Variants in SLC24A2 observed in about 807,000 individuals in gnomAD.
The protein encoded by SLC24A2 is solute carrier family 24 member 2.
In SLC24A2, 36 loss-of-function variants were observed where a neutral mutation model predicts 62.0. That is an observed-to-expected ratio of 0.58 (90% confidence interval 0.44 to 0.77). The LOEUF is 0.77. Among genes scored for constraint, SLC24A2 ranks in the 30% least tolerant of loss-of-function variants. The pLI, the probability that SLC24A2 is intolerant of heterozygous loss-of-function variation, is 0.00. For synonymous variants in SLC24A2, 358 were observed against 294.0 expected (o/e 1.22, Z -2.23); for missense variants, 846 against 817.9 (o/e 1.03, Z -0.42).
the SLC24A2 span, among the ~76,000 whole-genome samples, chr9:20,102,501 G>T: frequency 5.9e-5 from 9 of 151,622 alleles, no homozygotes; most frequent in African/African-American, 1.5e-4. Context: ...AGGGGGTGGG[G>T]GGGGAAGGGG....
At chr9:19,662,421 C>T (rs975246921) in intron 2 of SLC24A2, among the ~76,000 whole-genome samples, 23 of 152,256 alleles carry the variant, frequency 1.5e-4, no homozygotes, top group African/African-American at 5.5e-4. Flanking sequence ...CAGGGTAGTT[C>T]CTGGCACACA....
At position 19,513,380 on chromosome 9, in the gene SLC24A2, C is replaced by G. The variant is rs1589111759; in HGVS notation, c.*2773G>C. On this transcript the variant is annotated 3_prime_UTR_variant, in exon 11 of 11. Transcript: ENST00000341998. The stretch of plus-strand genomic sequence containing the variant: ...CTCAACACATAACCACTTACAGACA[C>G]AGAAATGAAGGGAAAGCAAGGGCAG... 6.6e-6 allele frequency: 1 copy of G among 152,030 alleles called. No individual in the cohort carries two copies. The highest frequency in any genetic ancestry group is 1.5e-5 in the Non-Finnish European group (1 of 68,114). The allele number at this position is 152,030 out of a possible 1,614,324, so 9.4% of individuals were successfully genotyped here. A position where few individuals can be genotyped will look rare whatever the true frequency, so the allele number is the denominator to read the frequency against.
In SLC24A2 at chr9:19,634,892, T is replaced by A. The variant is rs182105814; in HGVS notation, c.931-12593A>T. ...TCTTATAAAGCATAAAATAAAAAAA[T>A]AGAGATGAAATTGAGATCTACCATT... On this transcript the variant is annotated intron_variant, in intron 2 of 10. Transcript: ENST00000341998. Among the ~76,000 whole-genome samples, 121 of 152,216 alleles carry A rather than the reference T, an allele frequency of 7.9e-4. 2 individuals are homozygous for A. The highest frequency in any genetic ancestry group is 3.4e-3 in the Middle Eastern group (1 of 292).
chr9:19,957,520 G>C, the SLC24A2 span: 2 of 152,240 alleles, frequency 1.3e-5, no homozygotes, highest in Admixed American at 1.3e-4. Flanking sequence ...CCTGAGCATA[G>C]GTCAGTTCCA....
At chr9:20,146,229 G>A in the SLC24A2 span, among the ~76,000 whole-genome samples, 1 of 152,070 alleles carries the variant, frequency 6.6e-6, no homozygotes, top group African/African-American at 2.4e-5. Context: ...AGGTGGAGGG[G>A]CAAGGGATCA....
intron 8 of SLC24A2, among the ~76,000 whole-genome samples, chr9:19,532,461 G>C (rs1311507569): frequency 6.6e-6 from 1 of 152,160 alleles, no homozygotes; most frequent in Non-Finnish European, 1.5e-5. Flanking sequence ...TATGTAAACA[G>C]TTGTTAAATT....
chr9:20,194,005 A>AGT, the SLC24A2 span, among the ~76,000 whole-genome samples: 2 of 152,142 alleles, frequency 1.3e-5, no homozygotes, highest in Non-Finnish European at 2.9e-5. Flanking sequence ...AATAGGACAG[A>AGT]GTGTGTGTAA....
the SLC24A2 span, among the ~76,000 whole-genome samples, chr9:20,059,983 C>T: frequency 6.6e-6 from 1 of 151,868 alleles, no homozygotes; most frequent in African/African-American, 2.4e-5. Flanking sequence ...TGATTACTGA[C>T]CTTACAGAAA....
At chr9:20,001,925 T>C in the SLC24A2 span, among the ~76,000 whole-genome samples, 25 of 152,192 alleles carry the variant, frequency 1.6e-4, no homozygotes, top group African/African-American at 2.7e-4. Flanking sequence ...ATGGAAAATA[T>C]GTAAGTCCAC....
chr9:20,047,278 G>A, the SLC24A2 span, among the ~76,000 whole-genome samples: 2 of 152,014 alleles, frequency 1.3e-5, no homozygotes, highest in East Asian at 3.9e-4. Flanking sequence ...CAGACTGTTT[G>A]CTCAATCTTT....
At chr9:19,696,479 G>A (rs1436057371) in intron 2 of SLC24A2, among the ~76,000 whole-genome samples, 1 of 152,136 alleles carries the variant, frequency 6.6e-6, no homozygotes, top group East Asian at 1.9e-4. Context: ...GGCTGTGTTT[G>A]GTATCCCTGA....
chr9:19,796,813 G>A, the SLC24A2 span, among the ~76,000 whole-genome samples: 1 of 152,180 alleles, frequency 6.6e-6, no homozygotes, highest in East Asian at 1.9e-4. Context: ...TACTTGCAGT[G>A]TTCTATATCT....
At chr9:20,162,221 T>C in the SLC24A2 span, among the ~76,000 whole-genome samples, 1 of 151,598 alleles carries the variant, frequency 6.6e-6, no homozygotes, top group South Asian at 2.1e-4. Flanking sequence ...TTATGCAACA[T>C]AGCAAGACAC....
rs76373651 is a variant in SLC24A2, at chr9:19,725,100, G to C, written c.930+60837C>G. ...CCAGTGGGGTAATTTTGTACCCCTA[G>C]AGGCATTTTTCAATGTCTTGGGACA... is the stretch of plus-strand genomic sequence containing the variant. On this transcript the variant is annotated intron_variant, in intron 2 of 10. Coordinates refer to ENST00000341998, the MANE Select transcript of SLC24A2 (RefSeq NM_020344.4). Among the ~76,000 whole-genome samples the C allele has an allele frequency of 1.8e-4, 28 of 152,230 alleles. No homozygotes were observed. In the East Asian group the frequency reaches 4.8e-3, roughly 26 times the overall value.
chr9:19,721,815 T>C (rs1821033179), intron 2 of SLC24A2, among the ~76,000 whole-genome samples: 1 of 152,168 alleles, frequency 6.6e-6, no homozygotes, highest in Admixed American at 6.5e-5. Context: ...CTTTATTTCC[T>C]TTGTGAGCCT....
chr9:19,593,980 G>C (rs1836631630), intron 5 of SLC24A2, among the ~76,000 whole-genome samples: 1 of 151,950 alleles, frequency 6.6e-6, no homozygotes, highest in Non-Finnish European at 1.5e-5. Flanking sequence ...AGCAGTGGGA[G>C]ACACCCAGTG....
At chr9:19,682,345 G>T (rs1819747279) in intron 2 of SLC24A2, among the ~76,000 whole-genome samples, 1 of 152,034 alleles carries the variant, frequency 6.6e-6, no homozygotes, top group Non-Finnish European at 1.5e-5. Context: ...ATACAACCTG[G>T]GCCCTTCTGT....
At chr9:19,542,757 G>C (rs1311194235) in intron 8 of SLC24A2, among the ~76,000 whole-genome samples, 1 of 152,152 alleles carries the variant, frequency 6.6e-6, no homozygotes, top group Non-Finnish European at 1.5e-5. Flanking sequence ...TGCATATGTT[G>C]AACCAGCCTT....
the SLC24A2 span, among the ~76,000 whole-genome samples, chr9:19,948,371 T>G: frequency 6.6e-6 from 1 of 152,116 alleles, no homozygotes. Flanking sequence ...ATGAATTATC[T>G]TCACAATATT....
Sources: allele counts gnomAD v4.1 joint callset (sites outside exome capture counted in the v4.1 genomes callset), GRCh38; gene constraint gnomAD v4.1.1; transcripts MANE v1.5; gene names NCBI Gene and HGNC (gene_info 2026-07-23, HGNC 2026-07-21).